Variants in NUB1 observed in about 807,000 individuals in gnomAD.
NUB1 encodes the protein NEDD8 ultimate buster 1.
A neutral mutation model predicts 77.1 loss-of-function variants in NUB1; 41 were observed. That is an observed-to-expected ratio of 0.53 (90% CI 0.41 to 0.69). The LOEUF is 0.69. NUB1 is among the 30% of genes least tolerant of loss of function. NUB1 has a pLI of 0.00. For missense variants in NUB1, 643 were observed against 743.8 expected (o/e 0.86, Z 1.58); for synonymous variants, 257 against 281.0 (o/e 0.91, Z 0.85).
chr7:151,373,141 C>T (rs1037117247), intron 11 of NUB1, among the ~76,000 whole-genome samples: 2 of 152,134 alleles, frequency 1.3e-5, no homozygotes, highest in Admixed American at 1.3e-4. Context: ...AGGATCAGGT[C>T]TCTGGAAGGA....
chr7:151,349,137 A>C lies in NUB1; in HGVS notation c.182A>C (p.Glu61Ala). Residue 61 changes from glutamate to alanine, a missense_variant, in exon 3 of 15, where the codon GAA becomes GCA. Transcript: ENST00000568733. ...GAAAATGAAGTAGAAAAGGTAATAG[A>C]AGAAATACGTTGCAAGGCAATTGAG... ...CCENEVEKVI[E>A]EIRCKAIERG... is the part of the protein sequence containing the mutation. The C allele has an allele frequency of 6.2e-7, 1 of 1,613,818 alleles. No homozygotes were observed. The highest frequency in any genetic ancestry group is 8.5e-7 in the Non-Finnish European group (1 of 1,179,778).
In NUB1 at chr7:151,344,868, C is replaced by CGG. The variant is rs975086383; in HGVS notation, c.-2-479_-2-478insGG. On this transcript the variant is annotated intron_variant, in intron 1 of 14. Transcript: ENST00000568733. ...TATGAAAATTAGCCGGGCGTGGTGG[C>CGG]GCATGCCTGTAATCCCAGTGAGTAG... 5.0e-4 allele frequency among the ~76,000 whole-genome samples: 76 copies of CGG among 151,658 alleles called. 2 individuals are homozygous for CGG. The East Asian group carries it at 9.4e-3, about 19-fold the overall frequency.
In NUB1 at chr7:151,378,197, G is replaced by C. The variant is rs1798397699; in HGVS notation, c.*972G>C. ...ACTCCTCTGTAGATGTGTGCCCAGT[G>C]GGAGTTCCTTCCAGCCCCAGGACCA... On this transcript the variant is annotated 3_prime_UTR_variant, in exon 15 of 15. Coordinates refer to ENST00000568733, the MANE Select transcript of NUB1 (RefSeq NM_001243351.2). 1 of 152,220 alleles carries C rather than the reference G, an allele frequency of 6.6e-6. No homozygotes were observed. The highest frequency in any genetic ancestry group is 1.5e-5 in the Non-Finnish European group (1 of 68,058). 9.4% of individuals were successfully genotyped at this position (152,220 alleles called of 1,614,324 possible). A position where few individuals can be genotyped will look rare whatever the true frequency, so the allele number is the denominator to read the frequency against.
At chr7:151,352,136 C>T (rs1009164416) in intron 4 of NUB1, 8 of 456,536 alleles carry the variant, frequency 1.8e-5, no homozygotes, top group Non-Finnish European at 2.6e-5. Flanking sequence ...AACACACATG[C>T]GTAGAAGACC....
chr7:151,375,773 T>C (rs914146974), intron 12 of NUB1, 75 bp from the exon 13 acceptor site: 4 of 982,340 alleles, frequency 4.1e-6, no homozygotes, highest in East Asian at 2.4e-5. Context: ...GCCTAGCACA[T>C]GGCAGGGTGC....
chr7:151,359,910 CCA>C (rs1797290777), intron 7 of NUB1, among the ~76,000 whole-genome samples: 1 of 152,134 alleles, frequency 6.6e-6, no homozygotes, highest in Admixed American at 6.6e-5. Flanking sequence ...AAGCAAAGGG[CCA>C]AGTGCTGGTT....
chr7:151,344,159 C>A (rs1238350050), intron 1 of NUB1, among the ~76,000 whole-genome samples: 18 of 98,482 alleles, frequency 1.8e-4, no homozygotes, highest in African/African-American at 3.5e-4. Context: ...CTAGCCTGGG[C>A]GACAGAGTGA....
chr7:151,352,026 C>T (rs2150672204), intron 4 of NUB1: 1 of 453,272 alleles, frequency 2.2e-6, no homozygotes, highest in African/African-American at 2.0e-5. Context: ...TGGAGCACCT[C>T]CAGGGCTAGC....
intron 7 of NUB1, 111 bp from the exon 8 acceptor site, chr7:151,360,027 TATG>T (rs1241720712): frequency 1.4e-5 from 8 of 563,262 alleles, no homozygotes; most frequent in East Asian, 1.4e-4. Flanking sequence ...TAGATTGAGT[TATG>T]ATCTTGTTTT....
At chr7:151,356,256 A>G (rs764620219) in intron 7 of NUB1, 34 bp downstream of exon 7, 2 of 1,494,160 alleles carry the variant, frequency 1.3e-6, no homozygotes, top group East Asian at 4.5e-5. Flanking sequence ...GCCTGTTCTT[A>G]GATTTGTTGT....
At chr7:151,347,326 C>T (rs116685299) in intron 2 of NUB1, among the ~76,000 whole-genome samples, 2,379 of 152,002 alleles carry the variant, frequency 0.016, 77 homozygotes, top group African/African-American at 0.055. Context: ...CACTTGAACC[C>T]GGGAGTTGGA....
intron 7 of NUB1, 144 bp downstream of exon 7, chr7:151,356,366 C>T (rs1172014291): frequency 1.5e-5 from 10 of 675,900 alleles, no homozygotes; most frequent in Admixed American, 1.1e-4. Context: ...AATGTCACCA[C>T]GTGGTGAGCA....
intron 11 of NUB1, 67 bp from the exon 12 acceptor site, chr7:151,374,030 G>A: frequency 5.4e-6 from 8 of 1,480,380 alleles, no homozygotes; most frequent in Non-Finnish European, 7.2e-6. Context: ...ATCCTGCAGA[G>A]CGCAGACTGA....
chr7:151,346,036 C>T (rs1796491787), intron 2 of NUB1, among the ~76,000 whole-genome samples: 1 of 152,134 alleles, frequency 6.6e-6, no homozygotes, highest in South Asian at 2.1e-4. Context: ...CTCATTTTTG[C>T]CAGAAATCTA....
chr7:151,365,965 A>G (rs1243519638), intron 8 of NUB1, among the ~76,000 whole-genome samples: 1 of 152,114 alleles, frequency 6.6e-6, no homozygotes, highest in African/African-American at 2.4e-5. Flanking sequence ...GTAGTTTTAT[A>G]CAAGAGCATT....
intron 8 of NUB1, among the ~76,000 whole-genome samples, chr7:151,362,890 C>T (rs1312237102): frequency 6.6e-6 from 1 of 152,186 alleles, no homozygotes; most frequent in Non-Finnish European, 1.5e-5. Flanking sequence ...TTTATGTTCC[C>T]ACCAGCCAGA....
At chr7:151,364,870 T>C (rs1797589837) in intron 8 of NUB1, among the ~76,000 whole-genome samples, 1 of 152,178 alleles carries the variant, frequency 6.6e-6, no homozygotes, top group South Asian at 2.1e-4. Context: ...ATAAATATTT[T>C]ACGTTTATTT....
At chr7:151,349,679 T>A (rs1006227704) in intron 3 of NUB1, among the ~76,000 whole-genome samples, 8 of 152,208 alleles carry the variant, frequency 5.3e-5, no homozygotes, top group Non-Finnish European at 1.0e-4. Context: ...CTCATTGCCA[T>A]GGCCAGGTAG....
chr7:151,371,544 G>A (rs949503659), intron 11 of NUB1, among the ~76,000 whole-genome samples: 1 of 152,136 alleles, frequency 6.6e-6, no homozygotes. Flanking sequence ...TGCCACCTTA[G>A]CCCATTCAGG....
Sources: gnomAD v4.1 joint callset for allele counts (sites outside exome capture counted in the v4.1 genomes callset) on GRCh38, gnomAD v4.1.1 for gene constraint, MANE v1.5 for transcripts, NCBI Gene and HGNC (gene_info 2026-07-23, HGNC 2026-07-21) for gene names.